Variants in CENPI observed in about 807,000 individuals in gnomAD.
The protein encoded by CENPI is FSH primary response 1.
Under a neutral mutation model 60.4 loss-of-function variants are expected in CENPI, and 4 were observed. The ratio of observed to expected loss-of-function variants is 0.07; its 90% confidence interval spans 0.03 to 0.15. The LOEUF (loss-of-function observed/expected upper bound fraction) is 0.15. Among genes scored for constraint, CENPI ranks in the 10% least tolerant of loss-of-function variants. The pLI is 1.00. For missense variants in CENPI, 444 were observed against 534.5 expected (o/e 0.83, Z 1.67); for synonymous variants, 157 against 189.4 (o/e 0.83, Z 1.40).
At chrX:101,107,835 ATTT>A (rs35105469) in intron 4 of CENPI, among the ~76,000 whole-genome samples, 1 of 87,193 alleles carries the variant, frequency 1.1e-5, no homozygotes, top group African/African-American at 4.4e-5. Flanking sequence ...CACTTGGCTA[ATTT>A]TTTTTTTTTT....
chrX:101,100,850 C>T, intron 2 of CENPI: 1 of 385,117 alleles, frequency 2.6e-6, no homozygotes, highest in Non-Finnish European at 4.5e-6. Flanking sequence ...GTTACCTTGT[C>T]AGGTTGTTTC....
chrX:101,146,411 G>A, intron 18 of CENPI, 134 bp downstream of exon 18: 1 of 600,893 alleles, frequency 1.7e-6, no homozygotes, highest in Non-Finnish European at 2.5e-6. Context: ...CTTGCTTTTG[G>A]ACATGACCTT....
At chrX:101,166,247 C>G (rs1229423551), downstream of CENPI, among the ~76,000 whole-genome samples, 4 of 111,977 alleles carry the variant, frequency 3.6e-5, no homozygotes, top group African/African-American at 9.7e-5. Context: ...CCTCTGCCTC[C>G]CGGATTCAAG....
intron 6 of CENPI, among the ~76,000 whole-genome samples, 183 bp downstream of exon 6, chrX:101,110,181 A>G (rs1025242883): frequency 8.9e-6 from 1 of 112,468 alleles, no homozygotes; most frequent in African/African-American, 3.2e-5. Context: ...GCAAATAATA[A>G]CATTCTATTT....
chrX:101,125,147 C>T (rs1474628865), intron 8 of CENPI, among the ~76,000 whole-genome samples: 1 of 111,511 alleles, frequency 9.0e-6, no homozygotes, highest in Non-Finnish European at 1.9e-5. Flanking sequence ...GTCCCTTTTG[C>T]ATCCCCACTT....
chrX:101,118,433 C>G (rs2148168238), intron 6 of CENPI, among the ~76,000 whole-genome samples: 1 of 111,983 alleles, frequency 8.9e-6, no homozygotes, highest in Non-Finnish European at 1.9e-5. Context: ...AATTGCAATA[C>G]AAATGAATTC....
At chrX:101,132,934 T>G (rs1014766855) in intron 15 of CENPI, among the ~76,000 whole-genome samples, 2 of 111,063 alleles carry the variant, frequency 1.8e-5, no homozygotes, top group Non-Finnish European at 3.8e-5. Context: ...GTTCCAACCT[T>G]ATATATAATA....
chrX:101,128,936 A>T, intron 12 of CENPI, 100 bp downstream of exon 12: 1 of 665,560 alleles, frequency 1.5e-6, no homozygotes, highest in Non-Finnish European at 2.3e-6. Context: ...TGCTGTAATT[A>T]TGTCTGTGGT....
the CENPI span, among the ~76,000 whole-genome samples, chrX:101,176,752 T>C: frequency 8.8e-6 from 1 of 113,225 alleles, no homozygotes; most frequent in African/African-American, 3.2e-5. Context: ...TTTCCTTTGC[T>C]GCGCAAAAGT....
chrX:101,121,955 A>C (rs2148177603), intron 8 of CENPI, among the ~76,000 whole-genome samples: 1 of 108,153 alleles, frequency 9.2e-6, no homozygotes, highest in Admixed American at 1.0e-4. Flanking sequence ...GGCGCGCACC[A>C]CCACGCCAGG....
chrX:101,112,662 GCA>G, intron 6 of CENPI, among the ~76,000 whole-genome samples: 3 of 111,965 alleles, frequency 2.7e-5, no homozygotes, highest in Middle Eastern at 9.2e-3. Context: ...TAATATAGAA[GCA>G]CAGATTCCAA....
rs1281553958 is a variant in CENPI at position 101,139,088 on chromosome X, C to CTTT, written c.1471-1558_1471-1556dup. ...ACAGACGTGAGCCACCGCGCCCGAC[C>CTTT]TTTTTTTTTTTTTTTTTTTTTTGAG... is the stretch of plus-strand genomic sequence containing the variant. On this transcript the variant is annotated intron_variant, in intron 15 of 21. Transcript: ENST00000682095. 6.4e-3 allele frequency among the ~76,000 whole-genome samples: 429 copies of CTTT among 66,889 alleles called. 14 individuals are homozygous for CTTT. Among genetic ancestry groups the CTTT allele is most frequent in the Middle Eastern group, 0.023 (2 of 86 alleles). The allele number at this position is 66,889 out of a possible 115,157, so 58.1% of individuals were successfully genotyped here. A position where few individuals can be genotyped will look rare whatever the true frequency, so the allele number is the denominator to read the frequency against.
intron 8 of CENPI, among the ~76,000 whole-genome samples, chrX:101,126,194 C>T (rs1316967381): frequency 8.9e-6 from 1 of 112,272 alleles, no homozygotes; most frequent in Non-Finnish European, 1.9e-5. Context: ...TAGCAGTAAT[C>T]ACATCTTTCG....
chrX:101,119,175 C>T (rs1453160519), intron 6 of CENPI, among the ~76,000 whole-genome samples: 2 of 111,256 alleles, frequency 1.8e-5, no homozygotes, highest in Admixed American at 9.7e-5. Flanking sequence ...AGTGAAACTC[C>T]GTCTCAAAAA....
At chrX:101,138,450 G>A (rs1402809462) in intron 15 of CENPI, among the ~76,000 whole-genome samples, 1 of 109,045 alleles carries the variant, frequency 9.2e-6, no homozygotes, top group Non-Finnish European at 1.9e-5. Context: ...CAATTCTCCT[G>A]CCTCAGCCTC....
At chrX:101,158,097 T>C (rs1201256830) in intron 20 of CENPI, among the ~76,000 whole-genome samples, 1 of 111,497 alleles carries the variant, frequency 9.0e-6, no homozygotes, top group Non-Finnish European at 1.9e-5. Context: ...CATAATGTAC[T>C]CCACTTCCAT....
At chrX:101,121,655 C>T (rs1408386431) in intron 8 of CENPI, among the ~76,000 whole-genome samples, 2 of 110,550 alleles carry the variant, frequency 1.8e-5, no homozygotes, top group African/African-American at 6.6e-5. Flanking sequence ...AAGGGCATTC[C>T]TCCCAGAGGG....
At chrX:101,138,704 C>A (rs2089877062) in intron 15 of CENPI, among the ~76,000 whole-genome samples, 1 of 109,276 alleles carries the variant, frequency 9.2e-6, no homozygotes, top group Non-Finnish European at 1.9e-5. Flanking sequence ...TGGCTCACTG[C>A]AACCTCTGCT....
intron 6 of CENPI, among the ~76,000 whole-genome samples, chrX:101,114,107 A>T (rs1005371591): frequency 3.6e-5 from 4 of 111,732 alleles, no homozygotes; most frequent in Non-Finnish European, 7.5e-5. Context: ...AAATACAAAA[A>T]TTAGCCAGGC....
Sources: gnomAD v4.1 joint callset for allele counts (sites outside exome capture counted in the v4.1 genomes callset) on GRCh38, gnomAD v4.1.1 for gene constraint, MANE v1.5 for transcripts, NCBI Gene and HGNC (gene_info 2026-07-23, HGNC 2026-07-21) for gene names.